The following DLL1 variants were observed in gnomAD, a reference collection of about 807,000 sequenced individuals.
The protein encoded by DLL1 is delta like canonical Notch ligand 1.
Under a neutral mutation model 75.1 loss-of-function variants are expected in DLL1, and 9 were observed. That is an observed-to-expected ratio of 0.12 (90% CI 0.07 to 0.21). DLL1 has a LOEUF of 0.21. Ranked by LOEUF, DLL1 falls within the 10% of genes least tolerant of loss-of-function variation. DLL1 has a pLI of 1.00. For synonymous variants in DLL1, 477 were observed against 418.3 expected (o/e 1.14, Z -1.71); for missense variants, 837 against 1,007.6 (o/e 0.83, Z 2.29).
rs1783831646 is a variant in DLL1, at chr6:170,290,346, G to A, written c.-207C>T. On this transcript the variant is annotated 5_prime_UTR_variant, in exon 1 of 11. Coordinates refer to ENST00000366756, the MANE Select transcript of DLL1 (RefSeq NM_005618.4). The surrounding 1 kb of genome is among the most constrained non-coding windows in gnomAD (Gnocchi z 4.7). ...GCGGTTCTTTATATCCGCCCTGCGA[G>A]GTCCCGCGGCAGCCCCAGGGATGCC... is the stretch of plus-strand genomic sequence containing the variant. 9 of 466,960 alleles carry A rather than the reference G, an allele frequency of 1.9e-5. No homozygotes were observed. The highest frequency in any genetic ancestry group is 1.1e-3 in the Middle Eastern group (2 of 1,772). 28.9% of individuals were successfully genotyped at this position (466,960 alleles called of 1,614,324 possible).
At chr6:170,289,333 G>A (rs748542232) in intron 2 of DLL1, 179 bp downstream of exon 2, 2 of 1,050,848 alleles carry the variant, frequency 1.9e-6, no homozygotes, top group South Asian at 1.4e-5. Context: ...GCCCCGGGGC[G>A]AGGTGTCCGC....
At position 170,284,019 on chromosome 6, in the gene DLL1, A is replaced by G. The variant is rs546391656; in HGVS notation, c.1260T>C (p.Cys420=). The G allele has an allele frequency of 6.4e-6, 10 of 1,571,866 alleles. No homozygotes were observed. The Admixed American group carries it at 1.8e-4, about 28-fold the overall frequency. ...ACAGGTAGGCATCACCGAGGTCCAC[A>G]CACTTGGCACCTGGAACACAGGGAC... The part of the protein sequence containing the change: ...SSSPCSNGAK[C]VDLGDAYLCR... Residue 420 remains cysteine (C), a synonymous_variant, in exon 9 of 11, where the codon TGT becomes TGC. Coordinates refer to ENST00000366756, the MANE Select transcript of DLL1 (RefSeq NM_005618.4).
At chr6:170,289,949 C>T in intron 1 of DLL1, 137 bp downstream of exon 1, 1 of 1,321,816 alleles carries the variant, frequency 7.6e-7, no homozygotes, top group African/African-American at 1.6e-5. Context: ...CTGGGGTCGT[C>T]GCCCCCGGGA....
chr6:170,283,464 G>A lies in DLL1; in HGVS notation c.1815C>T (p.Ser605=), dbSNP rs1298215331. ...TCTTGATCTGCGTGGCCCCGATGAT[G>A]CTGACTGAGATGTCCTTCTCACGCT... ...NCQREKDISV[S]IIGATQIKNT... is the part of the protein sequence containing the mutation. Residue 605 remains serine (S), a synonymous_variant, in exon 9 of 11, where the codon AGC becomes AGT. Coordinates refer to ENST00000366756, the MANE Select transcript of DLL1 (RefSeq NM_005618.4). 1 of 1,612,932 alleles carries A rather than the reference G, an allele frequency of 6.2e-7. No individual in the cohort carries two copies. Among genetic ancestry groups the A allele is most frequent in the South Asian group, 1.1e-5 (1 of 91,092 alleles).
At position 170,290,180 on chromosome 6, in the gene DLL1, C is replaced by G. The variant is rs1366286460; in HGVS notation, c.-41G>C. ...GCGCGAGCCTGGGGGGCCCCCACTT[C>G]TCTCCTTAGAACAGCGGCGGACGCG... On this transcript the variant is annotated 5_prime_UTR_variant, in exon 1 of 11. Coordinates refer to ENST00000366756, the MANE Select transcript of DLL1 (RefSeq NM_005618.4). The surrounding 1 kb of genome is among the most constrained non-coding windows in gnomAD (Gnocchi z 4.7). 1 of 1,585,244 alleles carries G rather than the reference C, an allele frequency of 6.3e-7. No individual in the cohort carries two copies. The highest frequency in any genetic ancestry group is 1.7e-5 in the Admixed American group (1 of 58,650).
rs778815389 is a variant in DLL1, at chr6:170,288,515, C to T, written c.413-19G>A. ...GGGTTTTCTACGGGGAGAAGATGCTCCTGGTTGGTTCTGAACGAGAACCCT... is the reference window on the plus strand; with the variant it reads ...GGGTTTTCTACGGGGAGAAGATGCTTCTGGTTGGTTCTGAACGAGAACCCT... On this transcript the variant is annotated intron_variant, in intron 3 of 10. Transcript: ENST00000366756. The T allele has an allele frequency of 2.5e-6, 4 of 1,614,058 alleles. No individual in the cohort carries two copies. In the Admixed American group the frequency reaches 5.0e-5, roughly 20 times the overall value.
In DLL1 at chr6:170,282,655, C is replaced by T. The variant is rs566055219; in HGVS notation, c.*219G>A. ...TTAAGAGCAACTGTCCATAGTGCAA[C>T]GGCGACGTCACGGAAGGCAGTGCCG... On this transcript the variant is annotated 3_prime_UTR_variant, in exon 11 of 11. Coordinates refer to ENST00000366756, the MANE Select transcript of DLL1 (RefSeq NM_005618.4). The T allele has an allele frequency of 1.1e-4, 73 of 668,202 alleles. No homozygotes were observed. Among genetic ancestry groups the T allele is most frequent in the Admixed American group, 3.1e-4 (13 of 41,802 alleles). 41.4% of individuals were successfully genotyped at this position (668,202 alleles called of 1,614,324 possible).
At position 170,284,903 on chromosome 6, in the gene DLL1, C is replaced by G. The variant is rs200861495; in HGVS notation, c.1249+16G>C. The G allele has an allele frequency of 4.3e-6, 7 of 1,612,948 alleles. No individual in the cohort carries two copies. The highest frequency in any genetic ancestry group is 5.9e-6 in the Non-Finnish European group (7 of 1,179,726). On this transcript the variant is annotated intron_variant, in intron 8 of 10. Transcript: ENST00000366756. ...GCTCGCCCGAGTCTCTGAGCAATCA[C>G]CAGCTGCCCCCTTACCATTAGAACA...
At chr6:170,288,547 C>T (rs759315231) in intron 3 of DLL1, 51 bp from the exon 4 acceptor site, 6 of 1,613,804 alleles carry the variant, frequency 3.7e-6, no homozygotes, top group African/African-American at 1.3e-5. Flanking sequence ...CCCTGTGACT[C>T]GGGACAGAGC....
chr6:170,287,027 G>A (rs767905514), intron 4 of DLL1, among the ~76,000 whole-genome samples: 4 of 152,232 alleles, frequency 2.6e-5, no homozygotes, highest in East Asian at 1.9e-4. Context: ...AGAGGCTCCC[G>A]CAGGGCAGGG....
At chr6:170,287,417 T>C (rs1278589762) in intron 4 of DLL1, among the ~76,000 whole-genome samples, 1 of 152,138 alleles carries the variant, frequency 6.6e-6, no homozygotes, top group Non-Finnish European at 1.5e-5. Context: ...CCGGTACCAA[T>C]GGGCTGGGAC....
Position 170,288,286 on chromosome 6 carries a change from C to T in DLL1, c.623G>A (p.Gly208Glu). ...AFGHFTCGER[G>E]EKVCNPGWKG... The stretch of plus-strand genomic sequence containing the variant: ...CCAGCCAGGGTTGCACACTTTCTCC[C>T]CACGCTCCCCACAGGTGAAGTGGCC... The change falls in exon 4 of 11, where the codon GGG becomes GAG. Residue 208 changes from glycine (G) to glutamate (E), a missense_variant. Transcript: ENST00000366756. 1 of 1,614,054 alleles carries T rather than the reference C, an allele frequency of 6.2e-7. No individual in the cohort carries two copies. The highest frequency in any genetic ancestry group is 8.5e-7 in the Non-Finnish European group (1 of 1,180,044).
intron 2 of DLL1, chr6:170,289,119 G>T: frequency 3.5e-6 from 2 of 577,788 alleles, no homozygotes; most frequent in African/African-American, 1.9e-5. Context: ...TTTCTTGGGG[G>T]ATGGGCACGC....
intron 6 of DLL1, 69 bp downstream of exon 6, chr6:170,285,500 G>GATCAAAC: frequency 4.3e-6 from 7 of 1,614,132 alleles, no homozygotes; most frequent in Non-Finnish European, 5.9e-6. Flanking sequence ...TTTTTCCAGT[G>GATCAAAC]ATCAAACAGC....
Position 170,286,231 on chromosome 6 carries a change from G to A in DLL1, c.731+7C>T, listed in dbSNP as rs1342225681. 6.2e-7 allele frequency: 1 copy of A among 1,614,192 alleles called. No individual in the cohort carries two copies. The stretch of plus-strand genomic sequence containing the variant: ...ACAAAACAAAACACCACCTTGTGCA[G>A]ACTTACTTGCATTCCCCTGGTTTGT... On this transcript the variant is annotated splice_region_variant and intron_variant, in intron 5 of 10. Transcript: ENST00000366756.
At position 170,283,920 on chromosome 6, in the gene DLL1, G is replaced by A. The variant is rs775873204; in HGVS notation, c.1359C>T (p.Ala453=). 7 of 1,600,618 alleles carry A rather than the reference G, an allele frequency of 4.4e-6. No individual in the cohort carries two copies. The East Asian group carries it at 1.6e-4, about 36-fold the overall frequency. Residue 453 remains alanine, a synonymous_variant, in exon 9 of 11, where the codon GCC becomes GCT. Coordinates refer to ENST00000366756, the MANE Select transcript of DLL1 (RefSeq NM_005618.4). ...NVDDCASSPC[A]NGGTCRDGVN... ...CGCCATCCCGGCAGGTGCCCCCGTT[G>A]GCGCACGGGGAGGAGGCGCAGTCGT...
Position 170,283,006 on chromosome 6 carries a change from C to G in DLL1, c.2148G>C (p.Glu716Asp), listed in dbSNP as rs1412594358. 21 of 1,614,068 alleles carry G rather than the reference C, an allele frequency of 1.3e-5. No homozygotes were observed. The highest frequency in any genetic ancestry group is 1.8e-5 in the Non-Finnish European group (21 of 1,180,052). Reference sequence around the variant, plus strand: ...CACTGACCTCAGTTGCTATGACGCACTCATCCTTCTCCTCGGATATGACGT... The same window carrying G: ...CACTGACCTCAGTTGCTATGACGCAGTCATCCTTCTCCTCGGATATGACGT... ...SVYVISEEKD[E>D]CVIATEV Residue 716 changes from glutamate (E) to aspartate (D), a missense_variant, in exon 10 of 11, where the codon GAG becomes GAC. By Grantham distance (45) the Glu-to-Asp change is conservative. Coordinates refer to ENST00000366756, the MANE Select transcript of DLL1 (RefSeq NM_005618.4).
chr6:170,283,062 T>G lies in DLL1; in HGVS notation c.2092A>C (p.Thr698Pro). The G allele has an allele frequency of 6.2e-7, 1 of 1,614,114 alleles. No homozygotes were observed. The highest frequency in any genetic ancestry group is 2.2e-5 in the East Asian group (1 of 44,886). Residue 698 changes from threonine to proline, a missense_variant, in exon 10 of 11, where the codon ACT (threonine) becomes CCT (proline). This residue lies in a region of DLL1 where 533 missense variants were observed against 545.7 expected (regional missense o/e 0.98). Transcript: ENST00000366756. ...GACTGGTACTTGGTGTCTTTTGAAGTTGAACAGCCCGAGTCCGGCCTTTTT... is the reference window on the plus strand; with the variant it reads ...GACTGGTACTTGGTGTCTTTTGAAGGTGAACAGCCCGAGTCCGGCCTTTTT... Reference protein sequence around the residue: ...ERKRPDSGCSTSKDTKYQSVY... With the variant: ...ERKRPDSGCSPSKDTKYQSVY...
At position 170,285,072 on chromosome 6, in the gene DLL1, T is replaced by C. The variant is rs1402864914; in HGVS notation, c.1096A>G (p.Ser366Gly). The change falls in exon 8 of 11, where the codon AGT (serine) becomes GGT (glycine). Residue 366 changes from serine to glycine, a missense_variant. Physicochemically the swap from Ser to Gly is moderately conservative, Grantham distance 56 (BLOSUM62 0). Coordinates refer to ENST00000366756, the MANE Select transcript of DLL1 (RefSeq NM_005618.4). The part of the protein sequence containing the change: ...PGFYGKICEL[S>G]AMTCADGPCF... ...GGGCCGTCCGCACAGGTCATGGCAC[T>C]CAATTCACAGATTTTGCCGTAGAAG... 1 of 1,614,066 alleles carries C rather than the reference T, an allele frequency of 6.2e-7. No individual in the cohort carries two copies. Among genetic ancestry groups the C allele is most frequent in the South Asian group, 1.1e-5 (1 of 91,084 alleles).
Sources: gnomAD v4.1 joint callset for allele counts (sites outside exome capture counted in the v4.1 genomes callset) on GRCh38, gnomAD v4.1.1 for gene constraint, gnomAD v4.1.1 regional missense constraint, Gnocchi (gnomAD v3.1) non-coding constraint, MANE v1.5 for transcripts, NCBI Gene and HGNC (gene_info 2026-07-23, HGNC 2026-07-21) for gene names.